The following PIRT variants were observed in gnomAD, a reference collection of about 807,000 sequenced individuals.
PIRT encodes the protein phosphoinositide-interacting protein.
In PIRT, 6 loss-of-function variants were observed where a neutral mutation model predicts 7.9. That is an observed-to-expected ratio of 0.76 (90% CI 0.42 to 1.51). The LOEUF (loss-of-function observed/expected upper bound fraction) is 1.51. Ranked by LOEUF, PIRT falls within the 40% of genes most tolerant of loss-of-function variation. The pLI, the probability that PIRT is intolerant of heterozygous loss-of-function variation, is 0.01. For synonymous variants in PIRT, 78 were observed against 71.8 expected (o/e 1.09, Z -0.44); for missense variants, 170 against 172.9 (o/e 0.98, Z 0.09).
intron 1 of PIRT, among the ~76,000 whole-genome samples, chr17:10,832,638 A>G (rs1443083133): frequency 6.6e-6 from 1 of 152,240 alleles, no homozygotes; most frequent in East Asian, 1.9e-4. Flanking sequence ...ACTAAATGCA[A>G]TACGTTCCTT....
At chr17:10,836,789 G>A (rs923510416) in intron 1 of PIRT, among the ~76,000 whole-genome samples, 4 of 152,132 alleles carry the variant, frequency 2.6e-5, no homozygotes, top group African/African-American at 7.2e-5. Flanking sequence ...GGGGAGAAGC[G>A]GGGAAGGCAG....
chr17:10,829,638 C>T (rs1905415616), intron 1 of PIRT, among the ~76,000 whole-genome samples: 1 of 152,128 alleles, frequency 6.6e-6, no homozygotes, highest in Admixed American at 6.5e-5. Flanking sequence ...TCCTCAACTA[C>T]AAGAATCTTG....
chr17:10,826,152 C>T (rs187184235), intron 1 of PIRT, among the ~76,000 whole-genome samples: 12 of 152,214 alleles, frequency 7.9e-5, no homozygotes, highest in Admixed American at 3.9e-4. Flanking sequence ...TTAGTAGAGA[C>T]GGGTTTCCAC....
intron 1 of PIRT, among the ~76,000 whole-genome samples, chr17:10,830,236 T>C (rs1466010984): frequency 2.0e-5 from 3 of 152,176 alleles, no homozygotes; most frequent in African/African-American, 7.2e-5. Context: ...AAGGAGCATC[T>C]ATAAACAGAA....
Position 10,827,537 on chromosome 17 carries a change from C to T in PIRT, c.-138-1754G>A, listed in dbSNP as rs754252021. Among the ~76,000 whole-genome samples the T allele has an allele frequency of 2.5e-5, 3 of 119,462 alleles. No individual in the cohort carries two copies. The South Asian group carries it at 8.6e-4, about 34-fold the overall frequency. The allele number at this position is 119,462 out of a possible 152,430, so 78.4% of individuals were successfully genotyped here. A position where few individuals can be genotyped will look rare whatever the true frequency, so the allele number is the denominator to read the frequency against. On this transcript the variant is annotated intron_variant, in intron 1 of 1. Transcript: ENST00000580256. ...TTGCCCAGGCTGGAGTGCAGTGGTG[C>T]GATCTTGGCTCACTGCAACCTCCGC...
intron 1 of PIRT, among the ~76,000 whole-genome samples, chr17:10,833,261 A>C (rs903822244): frequency 6.6e-6 from 1 of 152,240 alleles, no homozygotes; most frequent in Non-Finnish European, 1.5e-5. Context: ...AGGTAAAACT[A>C]TAAAGATTTT....
rs928213125 is a variant in PIRT at position 10,823,848 on chromosome 17, G to C, written c.*1384C>G. 6.6e-6 allele frequency: 1 copy of C among 152,216 alleles called. No homozygotes were observed. The highest frequency in any genetic ancestry group is 3.2e-3 in the Middle Eastern group (1 of 316). The allele number at this position is 152,216 out of a possible 1,614,324, so 9.4% of individuals were successfully genotyped here. ...AGCTGCGCTAGGCACTTGGTGAAGA[G>C]GTGGGAAGCCGGGAAAGAGAGGGAT... On this transcript the variant is annotated 3_prime_UTR_variant, in exon 2 of 2. Transcript: ENST00000580256.
In PIRT at chr17:10,827,465, CTTTTTTTTTTTTTTTT is replaced by C. The variant is rs546105685; in HGVS notation, c.-138-1698_-138-1683del. Reference sequence around the variant, plus strand: ...TCTTTCTTTTCTTTCTTTTTCTTTTCTTTTTTTTTTTTTTTTTTTTTTTTTTGAAGTGGAGTTTTGC... The same window carrying C: ...TCTTTCTTTTCTTTCTTTTTCTTTTCTTTTTTTTTTGAAGTGGAGTTTTGC... On this transcript the variant is annotated intron_variant, in intron 1 of 1. Transcript: ENST00000580256. Among the ~76,000 whole-genome samples, 77 of 56,296 alleles carry C rather than the reference CTTTTTTTTTTTTTTTT, an allele frequency of 1.4e-3. 2 individuals are homozygous for C. The highest frequency in any genetic ancestry group is 6.3e-5 in the Non-Finnish European group (2 of 31,628). The allele number at this position is 56,296 out of a possible 152,430, so 36.9% of individuals were successfully genotyped here.
At chr17:10,834,790 C>T (rs182099913) in intron 1 of PIRT, among the ~76,000 whole-genome samples, 5 of 152,078 alleles carry the variant, frequency 3.3e-5, no homozygotes, top group South Asian at 2.1e-4. Context: ...TGGGGCTTCA[C>T]CGTGTTAGCC....
In PIRT at chr17:10,824,858, C is replaced by T. The variant is rs951436686; in HGVS notation, c.*374G>A. 4.7e-6 allele frequency: 1 copy of T among 212,042 alleles called. No homozygotes were observed. The highest frequency in any genetic ancestry group is 9.5e-6 in the Non-Finnish European group (1 of 105,792). The allele number at this position is 212,042 out of a possible 1,614,324, so 13.1% of individuals were successfully genotyped here. A position where few individuals can be genotyped will look rare whatever the true frequency, so the allele number is the denominator to read the frequency against. ...GCAAATGAAGAATCCAGCTCTGGCA[C>T]TCAGATATGTAAACATGAGGTTCTC... is the stretch of plus-strand genomic sequence containing the variant. On this transcript the variant is annotated 3_prime_UTR_variant, in exon 2 of 2. Coordinates refer to ENST00000580256, the MANE Select transcript of PIRT (RefSeq NM_001101387.2).
rs571133223 is a variant in PIRT, at chr17:10,824,086, G to A, written c.*1146C>T. The stretch of plus-strand genomic sequence containing the variant: ...ATTTCTCCGTCCTCTATCAAGTCTA[G>A]GGTAGACACCGCCTGTGTTCCCACA... On this transcript the variant is annotated 3_prime_UTR_variant, in exon 2 of 2. Transcript: ENST00000580256. 12 of 152,360 alleles carry A rather than the reference G, an allele frequency of 7.9e-5. No homozygotes were observed. Among genetic ancestry groups the A allele is most frequent in the African/African-American group, 2.9e-4 (12 of 41,566 alleles). 9.4% of individuals were successfully genotyped at this position (152,360 alleles called of 1,614,324 possible).
At position 10,836,134 on chromosome 17, in the gene PIRT, C is replaced by T. The variant is rs991337382; in HGVS notation, c.-139+1811G>A. ...GCCAGGCTGGCCTCGAACTCCTGAC[C>T]TCAGGTGATCCACCTCCCTCAGCTT... On this transcript the variant is annotated intron_variant, in intron 1 of 1. Coordinates refer to ENST00000580256, the MANE Select transcript of PIRT (RefSeq NM_001101387.2). Among the ~76,000 whole-genome samples the T allele has an allele frequency of 3.3e-5, 5 of 152,292 alleles. No individual in the cohort carries two copies. In the South Asian group the frequency reaches 6.2e-4, roughly 19 times the overall value.
intron 1 of PIRT, among the ~76,000 whole-genome samples, chr17:10,834,249 T>C (rs1048550969): frequency 8.6e-5 from 13 of 151,870 alleles, no homozygotes; most frequent in African/African-American, 2.9e-4. Context: ...GGATAAATGG[T>C]TGTATAATCA....
intron 1 of PIRT, among the ~76,000 whole-genome samples, chr17:10,836,807 G>A (rs763429512): frequency 1.3e-5 from 2 of 152,202 alleles, no homozygotes; most frequent in African/African-American, 4.8e-5. Context: ...CAGGATGGAA[G>A]TGGTGGGAAT....
intron 1 of PIRT, among the ~76,000 whole-genome samples, chr17:10,837,428 C>T (rs948533025): frequency 6.6e-6 from 1 of 152,244 alleles, no homozygotes; most frequent in Non-Finnish European, 1.5e-5. Context: ...CTGCCCCAGA[C>T]ACCTGCCACA....
chr17:10,829,051 G>C (rs1171633869), intron 1 of PIRT, among the ~76,000 whole-genome samples: 1 of 152,210 alleles, frequency 6.6e-6, no homozygotes, highest in Non-Finnish European at 1.5e-5. Flanking sequence ...TTTTCCCCCT[G>C]TGGGCTTGGG....
chr17:10,830,776 A>AT (rs1361135933), intron 1 of PIRT, among the ~76,000 whole-genome samples: 4 of 152,114 alleles, frequency 2.6e-5, no homozygotes, highest in East Asian at 1.9e-4. Flanking sequence ...ATAAGATTCC[A>AT]TTTTTTCTGT....
chr17:10,837,115 T>G (rs895602319), intron 1 of PIRT, among the ~76,000 whole-genome samples: 2 of 152,170 alleles, frequency 1.3e-5, no homozygotes, highest in African/African-American at 4.8e-5. Context: ...TGTCACCTGC[T>G]CATAGCGCTT....
At position 10,825,689 on chromosome 17, in the gene PIRT, C is replaced by T; in HGVS notation, c.-44G>A. The T allele has an allele frequency of 6.9e-7, 1 of 1,447,192 alleles. No individual in the cohort carries two copies. The allele number at this position is 1,447,192 out of a possible 1,614,324, so 89.6% of individuals were successfully genotyped here. ...GCCTAGGACCAGCAATAGTTGGAAACAAGAGTGGAGCCAAAGGAATCCTCA... is the reference window on the plus strand; with the variant it reads ...GCCTAGGACCAGCAATAGTTGGAAATAAGAGTGGAGCCAAAGGAATCCTCA... On this transcript the variant is annotated 5_prime_UTR_variant, in exon 2 of 2. Transcript: ENST00000580256.
Sources: gnomAD v4.1 joint callset for allele counts (sites outside exome capture counted in the v4.1 genomes callset) on GRCh38, gnomAD v4.1.1 for gene constraint, MANE v1.5 for transcripts, NCBI Gene and HGNC (gene_info 2026-07-23, HGNC 2026-07-21) for gene names.